Variants in GATM observed in about 807,000 individuals in gnomAD.
GATM encodes glycine amidinotransferase, also known as glycine amidinotransferase, mitochondrial.
Under a neutral mutation model 54.2 loss-of-function variants are expected in GATM, and 23 were observed. That is an observed-to-expected ratio of 0.42 (90% CI 0.31 to 0.60). The LOEUF (loss-of-function observed/expected upper bound fraction) is 0.60, where lower values mean the gene tolerates loss of function less well. Ranked by LOEUF, GATM falls within the 20% of genes least tolerant of loss-of-function variation. The pLI, the probability that GATM is intolerant of heterozygous loss-of-function variation, is 0.14. For missense variants in GATM, 401 were observed against 544.9 expected (o/e 0.74, Z 2.63); for synonymous variants, 168 against 183.1 (o/e 0.92, Z 0.67).
At position 45,366,172 on chromosome 15, in the gene GATM, A is replaced by G. The variant is rs1057520287; in HGVS notation, c.852T>C (p.His284=). 1.9e-6 allele frequency: 3 copies of G among 1,614,162 alleles called. No homozygotes were observed. In the Admixed American group the frequency reaches 5.0e-5, roughly 27 times the overall value. The part of the protein sequence containing the change: ...NYLGIEWMRR[H]LAPDYRVHII... The stretch of plus-strand genomic sequence containing the variant: ...TATGCACTCTGTAGTCTGGAGCAAG[A>G]TGCCTACGCATCCATTCAATGCCTA... Residue 284 remains histidine (H), a synonymous_variant, in exon 6 of 9, where the codon CAT becomes CAC. Transcript: ENST00000396659.
Position 45,376,708 on chromosome 15 carries a change from G to T in GATM, c.181C>A (p.Pro61Thr), listed in dbSNP as rs765462268. The T allele has an allele frequency of 6.2e-7, 1 of 1,614,194 alleles. No individual in the cohort carries two copies. Among genetic ancestry groups the T allele is most frequent in the Non-Finnish European group, 8.5e-7 (1 of 1,180,022 alleles). Residue 61 changes from proline (P) to threonine (T), a missense_variant, in exon 2 of 9, where the codon CCC becomes ACC. This residue lies in a region of GATM where 70 missense variants were observed against 61.5 expected (regional missense o/e 1.14). Transcript: ENST00000396659. Reference protein sequence around the residue: ...AADDKATEPLPKDCPVSSYNE... With the variant: ...AADDKATEPLTKDCPVSSYNE... ...TAAGAAGAGACAGGGCAGTCCTTGG[G>T]CAGAGGCTCAGTGGCTTTGTCGTCA...
chr15:45,398,621 G>A (rs908692055), intron 2 of GATM, among the ~76,000 whole-genome samples: 15 of 152,166 alleles, frequency 9.9e-5, no homozygotes, highest in South Asian at 2.1e-4. Flanking sequence ...TTAGCTATCC[G>A]TGGAAATAAG....
rs772985563 is a variant in GATM, at chr15:45,364,019, A to G, written c.1043-3T>C. On this transcript the variant is annotated splice_polypyrimidine_tract_variant and splice_region_variant and intron_variant, in intron 7 of 8. Coordinates refer to ENST00000396659, the MANE Select transcript of GATM (RefSeq NM_001482.3). ...GGATGACATCCAGAGTGGATGATCT[A>G]AAAACAGCAACAACTGTTAAACCAT... 51 of 1,508,800 alleles carry G rather than the reference A, an allele frequency of 3.4e-5. No homozygotes were observed. Among genetic ancestry groups the G allele is most frequent in the Admixed American group, 1.5e-4 (9 of 59,888 alleles). The allele number at this position is 1,508,800 out of a possible 1,614,324, so 93.5% of individuals were successfully genotyped here.
intron 3 of GATM, among the ~76,000 whole-genome samples, chr15:45,389,869 T>G (rs893061547): frequency 2.6e-5 from 4 of 151,776 alleles, no homozygotes; most frequent in Admixed American, 6.6e-5. Flanking sequence ...TTCTTTTTCT[T>G]TTTTTTTGGA....
At chr15:45,400,177 C>T (rs895835174) in intron 1 of GATM, among the ~76,000 whole-genome samples, 21 of 152,104 alleles carry the variant, frequency 1.4e-4, no homozygotes, top group Non-Finnish European at 2.8e-4. Context: ...AGCTGAGATC[C>T]TGCCATTGCA....
intron 3 of GATM, among the ~76,000 whole-genome samples, chr15:45,369,098 G>A (rs1421881635): frequency 1.3e-5 from 2 of 152,188 alleles, no homozygotes; most frequent in Non-Finnish European, 2.9e-5. Context: ...TAAAGTTTAG[G>A]AAAACTTGTC....
At chr15:45,369,825 T>C in intron 2 of GATM, 1 of 375,162 alleles carries the variant, frequency 2.7e-6, no homozygotes, top group South Asian at 3.0e-5. Flanking sequence ...TCTTGGCCAG[T>C]TTTTTTGCCA....
In GATM at chr15:45,378,247, G is replaced by A; in HGVS notation, c.69+138C>T. On this transcript the variant is annotated intron_variant, in intron 1 of 8. Transcript: ENST00000396659. ...GCTGAGCTTCCCAGGGATACCAGAA[G>A]GGACACTCTCGTGCAATTCCGGCTA... 1.2e-5 allele frequency: 7 copies of A among 606,924 alleles called. No homozygotes were observed. In the South Asian group the frequency reaches 1.3e-4, roughly 11 times the overall value. 37.6% of individuals were successfully genotyped at this position (606,924 alleles called of 1,614,324 possible).
At chr15:45,367,470 T>C (rs986898932) in intron 4 of GATM, among the ~76,000 whole-genome samples, 2 of 152,204 alleles carry the variant, frequency 1.3e-5, no homozygotes, top group African/African-American at 4.8e-5. Flanking sequence ...GCTTAACTCA[T>C]ACCATAAAAC....
chr15:45,379,101 T>G (rs980958334), upstream of GATM: 1 of 152,158 alleles, frequency 6.6e-6, no homozygotes, highest in African/African-American at 2.4e-5. Flanking sequence ...TTGGAACACC[T>G]GGCATTTCAC....
chr15:45,368,239 C>T lies in GATM; in HGVS notation c.506G>A (p.Arg169Gln), dbSNP rs1210723596. 2 of 1,613,880 alleles carry T rather than the reference C, an allele frequency of 1.2e-6. No individual in the cohort carries two copies. Among genetic ancestry groups the T allele is most frequent in the Non-Finnish European group, 1.7e-6 (2 of 1,179,996 alleles). ...ESTGLYSAMP[R>Q]DILIVVGNEI... ...ATTGCCCACAACTATCAGGATGTCTCGAGGCATTGCACTGTATAAACCTGT... is the reference window on the plus strand; with the variant it reads ...ATTGCCCACAACTATCAGGATGTCTTGAGGCATTGCACTGTATAAACCTGT... Residue 169 changes from arginine (R) to glutamine (Q), a missense_variant, in exon 4 of 9, where the codon CGA becomes CAA. This residue lies in a region of GATM where 321 missense variants were observed against 457.5 expected (regional missense o/e 0.70). Transcript: ENST00000396659. This position sits in a 1 kb window ranked among gnomAD's most constrained non-coding sequence, Gnocchi z 5.1.
Position 45,361,772 on chromosome 15 carries a change from C to G in GATM, c.*337G>C, listed in dbSNP as rs1889368580. 6.2e-6 allele frequency: 3 copies of G among 487,080 alleles called. No homozygotes were observed. The allele number at this position is 487,080 out of a possible 1,614,324, so 30.2% of individuals were successfully genotyped here. The stretch of plus-strand genomic sequence containing the variant: ...TTAAGATTAGGACCAACATTTCAAG[C>G]TGCCTTTTGGAAAGAAAATTAAAAA... On this transcript the variant is annotated 3_prime_UTR_variant, in exon 9 of 9. Transcript: ENST00000396659.
chr15:45,388,153 AT>A (rs1174017202), intron 3 of GATM, among the ~76,000 whole-genome samples: 70 of 152,304 alleles, frequency 4.6e-4, no homozygotes, highest in African/African-American at 1.6e-3. Context: ...TACCAGACTG[AT>A]TAAGTGTGGA....
chr15:45,372,041 G>A (rs1381608583), intron 2 of GATM, among the ~76,000 whole-genome samples: 1 of 152,150 alleles, frequency 6.6e-6, no homozygotes, highest in Admixed American at 6.5e-5. Flanking sequence ...CCAAGAAACA[G>A]GTCTTTAGAA....
intron 2 of GATM, among the ~76,000 whole-genome samples, chr15:45,372,172 T>G (rs574512034): frequency 1.4e-4 from 22 of 152,362 alleles, no homozygotes; most frequent in African/African-American, 5.3e-4. Flanking sequence ...CACATTCATT[T>G]GTTTACGTAT....
exon 3 of GATM, chr15:45,396,921 CCTT>C (rs1889941785): frequency 6.8e-6 from 1 of 148,062 alleles, no homozygotes; most frequent in Non-Finnish European, 1.5e-5. Flanking sequence ...ATAATACTGA[CCTT>C]CTGTTAATTT....
chr15:45,365,662 T>C (rs1383574287), intron 6 of GATM, among the ~76,000 whole-genome samples: 1 of 152,184 alleles, frequency 6.6e-6, no homozygotes, highest in Non-Finnish European at 1.5e-5. Context: ...GTAGAGGGAA[T>C]ACAACCACTG....
chr15:45,380,839 A>G (rs538430118), upstream of GATM, among the ~76,000 whole-genome samples: 212 of 152,230 alleles, frequency 1.4e-3, no homozygotes, highest in African/African-American at 4.9e-3. Context: ...ACTGTTATAA[A>G]AGCAAATCAA....
At position 45,376,729 on chromosome 15, in the gene GATM, C is replaced by T. The variant is rs780777061; in HGVS notation, c.160G>A (p.Asp54Asn). 2.2e-5 allele frequency: 35 copies of T among 1,614,024 alleles called. No individual in the cohort carries two copies. In the African/African-American group the frequency reaches 4.1e-4, roughly 19 times the overall value. ...ASSRNSCAAD[D>N]KATEPLPKDC... ...TTGGGCAGAGGCTCAGTGGCTTTGT[C>T]GTCAGCTGCACAGGAGTTCCGGGAG... The change falls in exon 2 of 9, where the codon GAC becomes AAC. Residue 54 changes from aspartate to asparagine, a missense_variant. Around this residue, in one of 3 missense-constraint regions of GATM, gnomAD observed 70 missense variants for 61.5 expected, o/e 1.14. Transcript: ENST00000396659.
Sources: gnomAD v4.1 joint callset for allele counts (sites outside exome capture counted in the v4.1 genomes callset) on GRCh38, gnomAD v4.1.1 for gene constraint, gnomAD v4.1.1 regional missense constraint, Gnocchi (gnomAD v3.1) non-coding constraint, MANE v1.5 for transcripts, NCBI Gene and HGNC (gene_info 2026-07-23, HGNC 2026-07-21) for gene names.